NRDE2: variants seen among roughly 807,000 people sequenced by gnomAD.
NRDE2 encodes the protein nuclear exosome regulator NRDE2.
NRDE2 carries 76 observed loss-of-function variants against 124.2 expected under a neutral mutation model. The observed-to-expected ratio is 0.61, with a 90% CI of 0.51 to 0.74. The LOEUF (loss-of-function observed/expected upper bound fraction) is 0.74, where lower values mean the gene tolerates loss of function less well. Ranked by LOEUF, NRDE2 falls within the 30% of genes least tolerant of loss-of-function variation. NRDE2 has a pLI of 0.00. For missense variants in NRDE2, 1,314 were observed against 1,417.3 expected, an observed-to-expected ratio of 0.93 and a Z score of 1.17; for synonymous variants, 489 against 528.1, an observed-to-expected ratio of 0.93 and a Z score of 1.01.
At chr14:90,279,691 T>C (rs1341654694) in intron 12 of NRDE2, 1 of 152,434 alleles carries the variant, frequency 6.6e-6, no homozygotes, top group Non-Finnish European at 1.5e-5. Flanking sequence ...TCTCTAGATA[T>C]AAAACCCTCC....
At chr14:90,299,067 C>CA (rs1392694938) in intron 7 of NRDE2, among the ~76,000 whole-genome samples, 1 of 100,250 alleles carries the variant, frequency 1.0e-5, no homozygotes, top group African/African-American at 3.1e-5. Context: ...ATTTTTGAGA[C>CA]AGAGTCTCGC....
intron 12 of NRDE2, among the ~76,000 whole-genome samples, chr14:90,282,084 G>A (rs1891968052): frequency 6.6e-6 from 1 of 152,136 alleles, no homozygotes; most frequent in South Asian, 2.1e-4. Flanking sequence ...CAACTAACTG[G>A]CTTATATACT....
At chr14:90,327,326 C>T (rs1885477117) in intron 1 of NRDE2, among the ~76,000 whole-genome samples, 2 of 151,866 alleles carry the variant, frequency 1.3e-5, no homozygotes, top group South Asian at 4.2e-4. Flanking sequence ...GTGGCGGGAG[C>T]ACTGCTTGAG....
intron 11 of NRDE2, 47 bp from the exon 12 acceptor site, chr14:90,286,539 T>G: frequency 6.3e-7 from 1 of 1,591,904 alleles, no homozygotes; most frequent in Non-Finnish European, 8.6e-7. Context: ...TCTCTCATCC[T>G]ACATCACAGA....
chr14:90,327,562 A>T (rs1311100854), intron 1 of NRDE2, among the ~76,000 whole-genome samples: 1 of 152,118 alleles, frequency 6.6e-6, no homozygotes, highest in African/African-American at 2.4e-5. Flanking sequence ...AAAAAGAAAA[A>T]AAAAAAAAGC....
rs1219137000 is a variant in NRDE2 at position 90,318,184 on chromosome 14, T to A, written c.65-71A>T. On this transcript the variant is annotated intron_variant, in intron 1 of 13. Coordinates refer to ENST00000354366, the MANE Select transcript of NRDE2 (RefSeq NM_017970.4). Reference sequence around the variant, plus strand: ...GATTCTAAAGCAGGAGATCTATCCATCTTATCAGCTGACATCCTAATTCAC... The same window carrying A: ...GATTCTAAAGCAGGAGATCTATCCAACTTATCAGCTGACATCCTAATTCAC... 12 of 1,219,172 alleles carry A rather than the reference T, an allele frequency of 9.8e-6. No homozygotes were observed. The East Asian group carries it at 2.6e-4, about 26-fold the overall frequency. The allele number at this position is 1,219,172 out of a possible 1,614,324, so 75.5% of individuals were successfully genotyped here.
intron 1 of NRDE2, among the ~76,000 whole-genome samples, chr14:90,329,338 T>C (rs1030009866): frequency 1.3e-5 from 2 of 152,188 alleles, no homozygotes; most frequent in Admixed American, 1.3e-4. Context: ...CTGCAGGACT[T>C]GAAGGCCCTG....
intron 1 of NRDE2, among the ~76,000 whole-genome samples, chr14:90,321,318 C>T (rs537404972): frequency 4.1e-4 from 62 of 152,164 alleles, no homozygotes; most frequent in Non-Finnish European, 7.1e-4. Flanking sequence ...CCTCCTGCTT[C>T]AGCCTCCCAA....
chr14:90,286,248 C>T (rs1595056438), intron 12 of NRDE2, 106 bp downstream of exon 12: 2 of 1,305,892 alleles, frequency 1.5e-6, no homozygotes, highest in Non-Finnish European at 2.1e-6. Flanking sequence ...TATGGCCTCC[C>T]AGCTCTCCTG....
intron 11 of NRDE2, 84 bp downstream of exon 11, chr14:90,288,132 TC>T (rs1371433188): frequency 6.2e-6 from 8 of 1,296,002 alleles, no homozygotes; most frequent in African/African-American, 1.5e-5. Flanking sequence ...ATCCCTGTCT[TC>T]CTGAGACCCA....
At chr14:90,312,327 AAG>A (rs1342745027) in intron 4 of NRDE2, 65 bp downstream of exon 4, 12 of 1,507,402 alleles carry the variant, frequency 8.0e-6, no homozygotes, top group Non-Finnish European at 1.1e-5. Flanking sequence ...AGACAGTGCC[AAG>A]AGAGTTCCGA....
chr14:90,310,468 G>A (rs908796258), intron 4 of NRDE2, among the ~76,000 whole-genome samples: 2 of 151,096 alleles, frequency 1.3e-5, no homozygotes, highest in Non-Finnish European at 2.9e-5. Flanking sequence ...GTGAAATAAC[G>A]CACACAGCAC....
chr14:90,311,868 A>G (rs1165865865), intron 4 of NRDE2, among the ~76,000 whole-genome samples: 2 of 152,350 alleles, frequency 1.3e-5, no homozygotes, highest in African/African-American at 4.8e-5. Context: ...AAGTACTCAA[A>G]TATTTTTGAT....
chr14:90,283,771 G>A (rs1369519151), intron 12 of NRDE2, among the ~76,000 whole-genome samples: 1 of 150,780 alleles, frequency 6.6e-6, no homozygotes, highest in Non-Finnish European at 1.5e-5. Context: ...GTACAGTGGC[G>A]CAATCTTGGC....
intron 1 of NRDE2, among the ~76,000 whole-genome samples, chr14:90,328,145 A>G (rs1461945537): frequency 1.3e-5 from 2 of 148,612 alleles, no homozygotes; most frequent in African/African-American, 4.9e-5. Context: ...TCTGTCTCAA[A>G]AAAAAAAAAA....
intron 8 of NRDE2, among the ~76,000 whole-genome samples, chr14:90,293,353 C>CA (rs1822143963): frequency 6.6e-6 from 1 of 152,036 alleles, no homozygotes; most frequent in South Asian, 2.1e-4. Context: ...CAGGTTCAAG[C>CA]AATTCTCCTG....
rs772670470 is a variant in NRDE2 at position 90,316,581 on chromosome 14, G to A, written c.404C>T (p.Pro135Leu). ...VGGSKKESEE[P>L]NQGNNAAADT... ...GTGCTTGAGAACAGCAACCTACTTCGGTTCCTCAGATTCCTTTTTACTGCC... is the reference window on the plus strand; with the variant it reads ...GTGCTTGAGAACAGCAACCTACTTCAGTTCCTCAGATTCCTTTTTACTGCC... Residue 135 changes from proline to leucine, a missense_variant, in exon 3 of 14, where the codon CCG becomes CTG. Pro to Leu is a moderately conservative substitution (Grantham distance 98). Coordinates refer to ENST00000354366, the MANE Select transcript of NRDE2 (RefSeq NM_017970.4). 6.9e-6 allele frequency: 11 copies of A among 1,605,598 alleles called. No homozygotes were observed. In the East Asian group the frequency reaches 8.9e-5, roughly 13 times the overall value.
At position 90,270,368 on chromosome 14, in the gene NRDE2, TG is replaced by T. The variant is rs1263043812; in HGVS notation, c.*7967del. ...TGACATCAAGGTGAGAGCCTAGCCGTGTCAGCTTATTTCTGGGAATGTGGCC... is the reference window on the plus strand; with the variant it reads ...TGACATCAAGGTGAGAGCCTAGCCGTTCAGCTTATTTCTGGGAATGTGGCC... On this transcript the variant is annotated 3_prime_UTR_variant, in exon 14 of 14. Coordinates refer to ENST00000354366, the MANE Select transcript of NRDE2 (RefSeq NM_017970.4). The T allele has an allele frequency of 6.2e-7, 1 of 1,606,628 alleles. No homozygotes were observed. Among genetic ancestry groups the T allele is most frequent in the South Asian group, 1.1e-5 (1 of 90,488 alleles).
chr14:90,281,367 C>G (rs1023746020), intron 12 of NRDE2: 1 of 152,544 alleles, frequency 6.6e-6, no homozygotes, highest in Non-Finnish European at 1.5e-5. Flanking sequence ...TGAGCTGAGA[C>G]TGCGCCACTG....
Sources: gnomAD v4.1 joint callset for allele counts (sites outside exome capture counted in the v4.1 genomes callset) on GRCh38, gnomAD v4.1.1 for gene constraint, MANE v1.5 for transcripts, NCBI Gene and HGNC (gene_info 2026-07-23, HGNC 2026-07-21) for gene names.